Variants in PLAGL1 observed in about 807,000 individuals in gnomAD.
PLAGL1 encodes PLAG1 like zinc finger 1.
A neutral mutation model predicts 4.6 loss-of-function variants in PLAGL1; 1 was observed. That is an observed-to-expected ratio of 0.22 (90% CI 0.08 to 1.03). The LOEUF is 1.03. PLAGL1 is among the 50% of genes least tolerant of loss of function. The pLI is 0.58. For synonymous variants in PLAGL1, 240 were observed against 237.8 expected (o/e 1.01, Z -0.08); for missense variants, 464 against 570.4 (o/e 0.81, Z 1.90).
At chr6:144,018,399 C>T (rs1207966648) in intron 1 of PLAGL1, among the ~76,000 whole-genome samples, 2 of 151,938 alleles carry the variant, frequency 1.3e-5, no homozygotes, top group Non-Finnish European at 1.5e-5. Context: ...GATGGGGTAG[C>T]GGGTATTGGT....
Position 144,026,151 on chromosome 6 carries a change from T to C in PLAGL1, c.-151+38317A>G, listed in dbSNP as rs144274559. ...AAAAAGTATTAGAATCCAACTTATA[T>C]AATAAAAGATTAGGTTGTTTCGTGT... On this transcript the variant is annotated intron_variant, in intron 1 of 3. Coordinates refer to the PLAGL1 transcript ENST00000437412. Among the ~76,000 whole-genome samples, 358 of 152,324 alleles carry C rather than the reference T, an allele frequency of 2.4e-3. 1 individual carries two copies. The highest frequency in any genetic ancestry group is 8.1e-3 in the African/African-American group (336 of 41,576).
At position 143,954,557 on chromosome 6, in the gene PLAGL1, C is replaced by G. The variant is rs77512896; in HGVS notation, c.-325+5912G>C. On this transcript the variant is annotated intron_variant, in intron 6 of 7. Coordinates refer to ENST00000674357, the MANE Select transcript of PLAGL1 (RefSeq NM_001317162.2). This position sits in a 1 kb window ranked among gnomAD's most constrained non-coding sequence, Gnocchi z 5.1. ...TAACTCAGCTAATATAATCCAGAGA[C>G]TAACATTCATTGACTAAATGGTTAA... is the stretch of plus-strand genomic sequence containing the variant. Among the ~76,000 whole-genome samples, 2,927 of 152,246 alleles carry G rather than the reference C, an allele frequency of 0.019. 36 individuals carry two copies. Among genetic ancestry groups the G allele is most frequent in the Non-Finnish European group, 0.031 (2,112 of 68,020 alleles).
chr6:144,041,720 C>A (rs1452819658), intron 1 of PLAGL1, among the ~76,000 whole-genome samples: 1 of 152,186 alleles, frequency 6.6e-6, no homozygotes. Context: ...ATCACTGGGT[C>A]AAATGGTAGT....
Position 144,015,744 on chromosome 6 carries a change from A to G in PLAGL1, c.-150-46766T>C, listed in dbSNP as rs1040882397. Reference sequence around the variant, plus strand: ...CTGAAAATACCAAGGGTTGGTGACAATGTGGAAAAACTGGAACTCTCGCAC... The same window carrying G: ...CTGAAAATACCAAGGGTTGGTGACAGTGTGGAAAAACTGGAACTCTCGCAC... On this transcript the variant is annotated intron_variant, in intron 1 of 3. Transcript: ENST00000437412. This position sits in a 1 kb window ranked among gnomAD's most constrained non-coding sequence, Gnocchi z 4.3. Among the ~76,000 whole-genome samples, 1 of 152,228 alleles carries G rather than the reference A, an allele frequency of 6.6e-6. No homozygotes were observed. Among genetic ancestry groups the G allele is most frequent in the Non-Finnish European group, 1.5e-5 (1 of 68,038 alleles).
chr6:144,030,572 C>A (rs1372571293), intron 1 of PLAGL1, among the ~76,000 whole-genome samples: 1 of 152,184 alleles, frequency 6.6e-6, no homozygotes, highest in Non-Finnish European at 1.5e-5. Flanking sequence ...GCTTAGCTTC[C>A]ACATATAAGT....
Position 143,955,550 on chromosome 6 carries a change from T to C in PLAGL1, c.-325+4919A>G, listed in dbSNP as rs1781941936. On this transcript the variant is annotated intron_variant, in intron 6 of 7. Transcript: ENST00000674357. The surrounding 1 kb of genome is among the most constrained non-coding windows in gnomAD (Gnocchi z 4.9). ...AATGCCAATAAAATGCTGTGAGGAATGGGAAGAGGCAGTGGGGAAAGCCTC... is the reference window on the plus strand; with the variant it reads ...AATGCCAATAAAATGCTGTGAGGAACGGGAAGAGGCAGTGGGGAAAGCCTC... 6.6e-6 allele frequency among the ~76,000 whole-genome samples: 1 copy of C among 152,028 alleles called. No individual in the cohort carries two copies. The highest frequency in any genetic ancestry group is 1.5e-5 in the Non-Finnish European group (1 of 67,958).
chr6:144,004,575 C>T lies in PLAGL1; in HGVS notation c.-584+3515G>A, dbSNP rs2128668733. On this transcript the variant is annotated intron_variant, in intron 1 of 7. Transcript: ENST00000674357. The surrounding 1 kb of genome is among the most constrained non-coding windows in gnomAD (Gnocchi z 4.2). ...TCATAGAAATCGGGACAGTAGTTGACTGGGGGAAGCGAGTGGCTCCATTGA... is the reference window on the plus strand; with the variant it reads ...TCATAGAAATCGGGACAGTAGTTGATTGGGGGAAGCGAGTGGCTCCATTGA... 6.6e-6 allele frequency among the ~76,000 whole-genome samples: 1 copy of T among 152,268 alleles called. No individual in the cohort carries two copies. Among genetic ancestry groups the T allele is most frequent in the South Asian group, 2.1e-4 (1 of 4,810 alleles).
chr6:144,046,820 G>A (rs1273824402), intron 1 of PLAGL1, among the ~76,000 whole-genome samples: 1 of 152,190 alleles, frequency 6.6e-6, no homozygotes, highest in African/African-American at 2.4e-5. Flanking sequence ...AGGCAGGCAG[G>A]CAGGCCTCAT....
intron 3 of PLAGL1, chr6:143,967,977 T>G (rs1281560201): frequency 8.7e-6 from 1 of 115,448 alleles, no homozygotes; most frequent in African/African-American, 3.3e-5. Flanking sequence ...TACACCATTA[T>G]GACCATCAAG....
At position 144,039,360 on chromosome 6, in the gene PLAGL1, G is replaced by A. The variant is rs547002772; in HGVS notation, c.-151+25108C>T. Among the ~76,000 whole-genome samples the A allele has an allele frequency of 6.6e-6, 1 of 152,276 alleles. No homozygotes were observed. Among genetic ancestry groups the A allele is most frequent in the African/African-American group, 2.4e-5 (1 of 41,554 alleles). ...AACACTTTGGGAGGCAGAAGTGGGTGGATCATTAGAGGCCCAAAGTTTGAA... is the reference window on the plus strand; with the variant it reads ...AACACTTTGGGAGGCAGAAGTGGGTAGATCATTAGAGGCCCAAAGTTTGAA... On this transcript the variant is annotated intron_variant, in intron 1 of 3. Coordinates refer to the PLAGL1 transcript ENST00000437412. The surrounding 1 kb of genome is among the most constrained non-coding windows in gnomAD (Gnocchi z 4.1).
chr6:143,991,795 T>C (rs1302380716), intron 1 of PLAGL1, among the ~76,000 whole-genome samples: 2 of 152,216 alleles, frequency 1.3e-5, no homozygotes, highest in African/African-American at 4.8e-5. Flanking sequence ...CTTTCCTAGA[T>C]CTGTGTTTTT....
At position 143,982,393 on chromosome 6, in the gene PLAGL1, A is replaced by C. The variant is rs1016704232; in HGVS notation, c.-544+2742T>G. Among the ~76,000 whole-genome samples the C allele has an allele frequency of 6.6e-6, 1 of 152,198 alleles. No individual in the cohort carries two copies. The stretch of plus-strand genomic sequence containing the variant: ...ATGGCTAAAGCAGTCAGTGAAGGGA[A>C]GCGGTAAAAGATTAGGCCAGAAGTA... On this transcript the variant is annotated intron_variant, in intron 2 of 7. Coordinates refer to ENST00000674357, the MANE Select transcript of PLAGL1 (RefSeq NM_001317162.2). This position sits in a 1 kb window ranked among gnomAD's most constrained non-coding sequence, Gnocchi z 5.3.
upstream of PLAGL1, among the ~76,000 whole-genome samples, chr6:144,008,582 G>A (rs566539077): frequency 6.6e-6 from 1 of 152,300 alleles, no homozygotes; most frequent in Non-Finnish European, 1.5e-5. The surrounding 1 kb of genome is among the most constrained non-coding windows in gnomAD (Gnocchi z 6.9). Flanking sequence ...AGGTCGCCCA[G>A]GTACAGCGCT....
At chr6:144,025,824 T>C (rs1583764077) in intron 1 of PLAGL1, among the ~76,000 whole-genome samples, 1 of 150,936 alleles carries the variant, frequency 6.6e-6, no homozygotes, top group Non-Finnish European at 1.5e-5. Flanking sequence ...ACCCGGGAGG[T>C]GGAGGTTGCA....
At chr6:144,031,664 A>G (rs1025338987) in intron 1 of PLAGL1, among the ~76,000 whole-genome samples, 1 of 152,084 alleles carries the variant, frequency 6.6e-6, no homozygotes, top group South Asian at 2.1e-4. Flanking sequence ...GACTGTAAGT[A>G]TTTGGCTTTA....
rs1174109405 is a variant in PLAGL1, at chr6:143,978,513, G to A, written c.-544+6622C>T. 6.6e-6 allele frequency among the ~76,000 whole-genome samples: 1 copy of A among 151,930 alleles called. No individual in the cohort carries two copies. The highest frequency in any genetic ancestry group is 2.4e-5 in the African/African-American group (1 of 41,364). ...CAGTATTAACTTTTAGTTTAATTCT[G>A]TAGTCTCAGAAAGTATTTTGTATGG... On this transcript the variant is annotated intron_variant, in intron 2 of 7. Transcript: ENST00000674357. The surrounding 1 kb of genome is among the most constrained non-coding windows in gnomAD (Gnocchi z 4.6).
intron 1 of PLAGL1, among the ~76,000 whole-genome samples, chr6:144,001,125 T>C (rs1792764091): frequency 6.6e-6 from 1 of 150,660 alleles, no homozygotes. Context: ...GAAGGGAAAA[T>C]ACTAAATGAG....
chr6:144,002,969 G>A (rs2128663413), intron 1 of PLAGL1, among the ~76,000 whole-genome samples: 3 of 145,622 alleles, frequency 2.1e-5, no homozygotes, highest in African/African-American at 7.6e-5. Context: ...CAAAACATTT[G>A]TTTAAAAGAA....
rs1780538789 is a variant in PLAGL1 at position 143,949,448 on chromosome 6, C to T, written c.-324-988G>A. Among the ~76,000 whole-genome samples, 3 of 152,160 alleles carry T rather than the reference C, an allele frequency of 2.0e-5. No individual in the cohort carries two copies. The highest frequency in any genetic ancestry group is 2.0e-4 in the Admixed American group (3 of 15,276). ...AGAAACTGTGTTCCAAAAATTTACA[C>T]TTGGAGATGTCTCCTCCTAGCTTCA... is the stretch of plus-strand genomic sequence containing the variant. On this transcript the variant is annotated intron_variant, in intron 6 of 7. Transcript: ENST00000674357. This position sits in a 1 kb window ranked among gnomAD's most constrained non-coding sequence, Gnocchi z 5.3.
Sources: gnomAD v4.1 joint callset for allele counts (sites outside exome capture counted in the v4.1 genomes callset) on GRCh38, gnomAD v4.1.1 for gene constraint, Gnocchi (gnomAD v3.1) non-coding constraint, MANE v1.5 for transcripts, NCBI Gene and HGNC (gene_info 2026-07-23, HGNC 2026-07-21) for gene names.